Variants in ATP10A observed in about 807,000 individuals in gnomAD.
ATP10A encodes ATPase phospholipid transporting 10A (putative), also known as phospholipid-transporting ATPase VA.
ATP10A carries 111 observed loss-of-function variants against 147.8 expected under a neutral mutation model. The ratio of observed to expected loss-of-function variants is 0.75; its 90% CI spans 0.64 to 0.88. The LOEUF (loss-of-function observed/expected upper bound fraction) is 0.88, where lower values mean the gene tolerates loss of function less well. ATP10A is among the 40% of genes least tolerant of loss of function. ATP10A has a pLI of 0.00. For synonymous variants in ATP10A, 875 were observed against 841.6 expected (o/e 1.04, Z -0.69); for missense variants, 1,927 against 1,959.0 (o/e 0.98, Z 0.31).
intron 1 of ATP10A, among the ~76,000 whole-genome samples, chr15:25,841,127 G>A (rs1005206011): frequency 4.4e-4 from 67 of 152,236 alleles, no homozygotes; most frequent in African/African-American, 1.6e-3. Context: ...CCACAGCAAA[G>A]GATAATGCTT....
chr15:25,818,485 T>A (rs1251141138), intron 1 of ATP10A, among the ~76,000 whole-genome samples: 1 of 152,096 alleles, frequency 6.6e-6, no homozygotes, highest in Non-Finnish European at 1.5e-5. Flanking sequence ...ATGTTCCATG[T>A]TCGTGGACCA....
At chr15:25,861,271 A>C (rs1893748443) in intron 1 of ATP10A, among the ~76,000 whole-genome samples, 1 of 152,204 alleles carries the variant, frequency 6.6e-6, no homozygotes, top group Admixed American at 6.5e-5. Context: ...TAATTTTAAC[A>C]AGCGCCTTCA....
At chr15:25,833,786 T>C (rs139659100) in intron 1 of ATP10A, among the ~76,000 whole-genome samples, 234 of 152,238 alleles carry the variant, frequency 1.5e-3, no homozygotes, top group African/African-American at 5.2e-3. Flanking sequence ...TCCTGGCTAA[T>C]ACGGTGAAAC....
At chr15:25,775,632 GC>G (rs1889567679) in intron 2 of ATP10A, among the ~76,000 whole-genome samples, 1 of 152,270 alleles carries the variant, frequency 6.6e-6, no homozygotes, top group African/African-American at 2.4e-5. Flanking sequence ...AGAGTCAGCA[GC>G]AGATCTTCCT....
At chr15:25,742,764 C>A (rs2140516074) in intron 2 of ATP10A, among the ~76,000 whole-genome samples, 1 of 152,314 alleles carries the variant, frequency 6.6e-6, no homozygotes, top group East Asian at 1.9e-4. Context: ...TCACAGAACA[C>A]CAAATTCAAA....
In ATP10A at chr15:25,863,259, A is replaced by C. The variant is rs1216816462; in HGVS notation, c.-163T>G. ...GCCGCCTGGCCGGCCCAGCGCGCCC[A>C]GCCCGCGCCCAGCCCCGTCCACTCC... On this transcript the variant is annotated 5_prime_UTR_variant, in exon 1 of 21. Transcript: ENST00000555815. 1 of 312,834 alleles carries C rather than the reference A, an allele frequency of 3.2e-6. No homozygotes were observed. The highest frequency in any genetic ancestry group is 2.3e-5 in the African/African-American group (1 of 42,814). The allele number at this position is 312,834 out of a possible 1,614,324, so 19.4% of individuals were successfully genotyped here.
intron 2 of ATP10A, among the ~76,000 whole-genome samples, chr15:25,747,761 A>G (rs1359472633): frequency 2.6e-5 from 4 of 152,186 alleles, no homozygotes; most frequent in African/African-American, 9.6e-5. Flanking sequence ...TCTGCAAAAA[A>G]CACTTCAGAT....
chr15:25,809,054 T>G (rs539487947), intron 1 of ATP10A, among the ~76,000 whole-genome samples: 7 of 152,064 alleles, frequency 4.6e-5, no homozygotes, highest in African/African-American at 1.7e-4. Flanking sequence ...GGCCACAGGG[T>G]TGGGAGAGGG....
intron 1 of ATP10A, among the ~76,000 whole-genome samples, chr15:25,855,143 T>A (rs1893458964): frequency 6.6e-6 from 1 of 151,120 alleles, no homozygotes. Context: ...ACCAGTATAG[T>A]ACTTTTCTGA....
intron 12 of ATP10A, among the ~76,000 whole-genome samples, chr15:25,705,388 A>C (rs1900915000): frequency 6.7e-6 from 1 of 149,644 alleles, no homozygotes; most frequent in Non-Finnish European, 1.5e-5. Context: ...ATGTGCTGTG[A>C]TCGCACCATT....
At chr15:25,789,861 C>T (rs1890332715) in intron 1 of ATP10A, among the ~76,000 whole-genome samples, 1 of 152,114 alleles carries the variant, frequency 6.6e-6, no homozygotes, top group African/African-American at 2.4e-5. Flanking sequence ...AGGGCTCCCT[C>T]CCTACAAGTT....
intron 1 of ATP10A, among the ~76,000 whole-genome samples, chr15:25,793,444 G>C (rs1410241996): frequency 1.3e-5 from 2 of 152,132 alleles, no homozygotes; most frequent in Admixed American, 6.5e-5. Context: ...TGCAGTTTTT[G>C]TTCCTATTTT....
At chr15:25,722,011 G>A (rs902810894) in intron 6 of ATP10A, 102 bp from the exon 7 acceptor site, 20 of 1,300,086 alleles carry the variant, frequency 1.5e-5, no homozygotes, top group African/African-American at 5.9e-5. Flanking sequence ...CCGCAAGAAA[G>A]TAGGGACTAT....
rs1000116750 is a variant in ATP10A at position 25,704,893 on chromosome 15, G to A, written c.2576-2793C>T. On this transcript the variant is annotated intron_variant, in intron 12 of 20. Coordinates refer to ENST00000555815, the MANE Select transcript of ATP10A (RefSeq NM_024490.4). ...TTCTGAGTATCATAACTCAGGAGTT[G>A]GTGGTGTGCAGAGCCCAGCGTCACT... Among the ~76,000 whole-genome samples the A allele has an allele frequency of 2.0e-5, 3 of 152,180 alleles. No individual in the cohort carries two copies. In the South Asian group the frequency reaches 6.2e-4, roughly 31 times the overall value.
rs139673357 is a variant in ATP10A, at chr15:25,822,384, C to T, written c.449+40264G>A. On this transcript the variant is annotated intron_variant, in intron 1 of 20. Transcript: ENST00000555815. The stretch of plus-strand genomic sequence containing the variant: ...TTCAGCATTTCATTAACATTCTAGA[C>T]TGGATATGTAACTTTGGGACAGGTG... Among the ~76,000 whole-genome samples the T allele has an allele frequency of 8.5e-3, 1,296 of 152,288 alleles. 15 individuals are homozygous for T. Among genetic ancestry groups the T allele is most frequent in the Middle Eastern group, 0.041 (12 of 294 alleles).
intron 3 of ATP10A, among the ~76,000 whole-genome samples, chr15:25,733,398 C>A (rs540707711): frequency 6.6e-6 from 1 of 152,236 alleles, no homozygotes; most frequent in Admixed American, 6.5e-5. Flanking sequence ...GATTCCTGCC[C>A]GAGGGAGCAC....
At chr15:25,726,723 G>A (rs1283327496) in intron 4 of ATP10A, among the ~76,000 whole-genome samples, 15 of 151,328 alleles carry the variant, frequency 9.9e-5, no homozygotes, top group African/African-American at 3.6e-4. Context: ...GATTACAGGC[G>A]TGAGTCACCA....
chr15:25,702,640 T>C (rs1184180702), intron 12 of ATP10A, among the ~76,000 whole-genome samples: 2 of 152,208 alleles, frequency 1.3e-5, no homozygotes, highest in Non-Finnish European at 1.5e-5. Context: ...TTATCCTAAA[T>C]ATGCTTTTTC....
chr15:25,765,750 C>T (rs1217157472), intron 2 of ATP10A, among the ~76,000 whole-genome samples: 2 of 152,208 alleles, frequency 1.3e-5, no homozygotes, highest in Non-Finnish European at 2.9e-5. Context: ...TGATCAAGTT[C>T]TTCTCACAGA....
Sources: gnomAD v4.1 joint callset for allele counts (sites outside exome capture counted in the v4.1 genomes callset) on GRCh38, gnomAD v4.1.1 for gene constraint, MANE v1.5 for transcripts, NCBI Gene and HGNC (gene_info 2026-07-23, HGNC 2026-07-21) for gene names.